GLIS3: variants seen among roughly 807,000 people sequenced by gnomAD.
GLIS3 encodes the protein zinc finger protein GLIS3.
In GLIS3, 53 loss-of-function variants were observed where a neutral mutation model predicts 78.6. The ratio of observed to expected loss-of-function variants is 0.67; its 90% confidence interval spans 0.54 to 0.85. The LOEUF is 0.85. Ranked by LOEUF, GLIS3 falls within the 40% of genes least tolerant of loss-of-function variation. The pLI, the probability that GLIS3 is intolerant of heterozygous loss-of-function variation, is 0.00. For synonymous variants in GLIS3, 684 were observed against 509.9 expected (o/e 1.34, Z -4.60); for missense variants, 1,703 against 1,231.1 (o/e 1.38, Z -5.74).
At chr9:4,439,976 C>T in the GLIS3 span, among the ~76,000 whole-genome samples, 14 of 152,312 alleles carry the variant, frequency 9.2e-5, no homozygotes, top group African/African-American at 3.4e-4. Flanking sequence ...AGCCACCGTG[C>T]CCAGCCTACA....
At chr9:4,458,816 G>A in the GLIS3 span, among the ~76,000 whole-genome samples, 1 of 152,092 alleles carries the variant, frequency 6.6e-6, no homozygotes, top group South Asian at 2.1e-4. Flanking sequence ...AAGTGAAAAT[G>A]TCTGGGAGGA....
chr9:4,193,852 G>C (rs1818554211), intron 2 of GLIS3, among the ~76,000 whole-genome samples: 1 of 152,154 alleles, frequency 6.6e-6, no homozygotes, highest in South Asian at 2.1e-4. Flanking sequence ...AAATCAATAA[G>C]TCACTTTTCA....
chr9:4,420,536 G>A, the GLIS3 span, among the ~76,000 whole-genome samples: 2 of 152,184 alleles, frequency 1.3e-5, no homozygotes, highest in African/African-American at 2.4e-5. Context: ...GGGTAAGGCA[G>A]GTGGGGAATA....
intron 2 of GLIS3, among the ~76,000 whole-genome samples, chr9:4,231,628 T>C (rs1354354575): frequency 6.6e-6 from 1 of 152,186 alleles, no homozygotes; most frequent in Non-Finnish European, 1.5e-5. Flanking sequence ...ATTAGATGCT[T>C]AGGAAACGTC....
At chr9:4,072,319 T>C (rs1827682563) in intron 4 of GLIS3, among the ~76,000 whole-genome samples, 2 of 152,150 alleles carry the variant, frequency 1.3e-5, no homozygotes, top group African/African-American at 4.8e-5. Flanking sequence ...TCACAATCAG[T>C]GCAGTTTGAA....
At chr9:4,306,529 T>G (rs965961456) in intron 4 of GLIS3, among the ~76,000 whole-genome samples, 2 of 152,202 alleles carry the variant, frequency 1.3e-5, no homozygotes, top group Non-Finnish European at 2.9e-5. Flanking sequence ...TAACAAATGT[T>G]GCCCCAGAAT....
intron 4 of GLIS3, among the ~76,000 whole-genome samples, chr9:4,035,377 C>T (rs1824212864): frequency 6.6e-6 from 1 of 151,678 alleles, no homozygotes; most frequent in African/African-American, 2.4e-5. Context: ...CCAGAAGGTC[C>T]AACTGGATCC....
intron 6 of GLIS3, among the ~76,000 whole-genome samples, chr9:3,905,286 C>T (rs969698339): frequency 4.0e-5 from 6 of 151,830 alleles, no homozygotes; most frequent in African/African-American, 1.2e-4. Context: ...CACTGAGCCC[C>T]GCCTGACTCT....
intron 2 of GLIS3, among the ~76,000 whole-genome samples, chr9:4,237,213 C>G (rs1822847965): frequency 6.6e-6 from 1 of 151,826 alleles, no homozygotes; most frequent in Admixed American, 6.6e-5. Context: ...CAGAAAATAT[C>G]CTTCAAAATA....
intron 4 of GLIS3, chr9:4,054,563 A>T: frequency 1.2e-6 from 1 of 853,608 alleles, no homozygotes; most frequent in Non-Finnish European, 1.4e-6. Flanking sequence ...AGCAGGTCAC[A>T]AGTCACACCA....
chr9:4,258,773 A>G (rs916824340), intron 2 of GLIS3, among the ~76,000 whole-genome samples: 3 of 152,194 alleles, frequency 2.0e-5, no homozygotes, highest in Non-Finnish European at 4.4e-5. Flanking sequence ...CAATGTAAAT[A>G]TATTTAATAC....
chr9:4,388,165 A>C, the GLIS3 span, among the ~76,000 whole-genome samples: 7,760 of 152,266 alleles, frequency 0.051, 568 homozygotes, highest in African/African-American at 0.17. Context: ...ACCCCTTCAC[A>C]AATAAAAGTA....
the GLIS3 span, among the ~76,000 whole-genome samples, chr9:4,379,319 G>C: frequency 3.7e-4 from 57 of 152,160 alleles, 1 homozygote; most frequent in African/African-American, 1.3e-3. Context: ...AGGTTAATAG[G>C]GGTTTGGCAA....
intron 6 of GLIS3, among the ~76,000 whole-genome samples, chr9:3,930,381 G>T (rs1410130375): frequency 7.2e-5 from 11 of 152,172 alleles, no homozygotes; most frequent in Admixed American, 5.9e-4. Context: ...ACTGCTCCTT[G>T]AAAGTATACT....
the GLIS3 span, among the ~76,000 whole-genome samples, chr9:4,434,687 C>T: frequency 1.7e-4 from 26 of 152,296 alleles, no homozygotes; most frequent in Admixed American, 1.5e-3. Flanking sequence ...AGATGTAAGC[C>T]AGTTCTTCTT....
intron 4 of GLIS3, among the ~76,000 whole-genome samples, chr9:4,051,533 A>C (rs189133721): frequency 1.3e-5 from 2 of 152,332 alleles, no homozygotes; most frequent in African/African-American, 4.8e-5. Context: ...AACTGAAAGA[A>C]AAAACAAAAA....
chr9:3,947,675 G>C (rs544015210), intron 4 of GLIS3, among the ~76,000 whole-genome samples: 1 of 152,220 alleles, frequency 6.6e-6, no homozygotes, highest in Non-Finnish European at 1.5e-5. Flanking sequence ...TCCAAAAAAC[G>C]GAGTGCAAGA....
chr9:4,054,717 G>A (rs1315853277), intron 4 of GLIS3, among the ~76,000 whole-genome samples: 2 of 152,144 alleles, frequency 1.3e-5, no homozygotes, highest in Non-Finnish European at 2.9e-5. Context: ...GGTCAAACTA[G>A]AACATTTTGA....
At chr9:4,275,427 C>G (rs1165351569) in intron 2 of GLIS3, among the ~76,000 whole-genome samples, 1 of 151,982 alleles carries the variant, frequency 6.6e-6, no homozygotes, top group East Asian at 1.9e-4. Flanking sequence ...GATCTAAGAC[C>G]GTGGGGTCCT....
Sources: allele counts gnomAD v4.1 joint callset (sites outside exome capture counted in the v4.1 genomes callset), GRCh38; gene constraint gnomAD v4.1.1; transcripts MANE v1.5; gene names NCBI Gene and HGNC (gene_info 2026-07-23, HGNC 2026-07-21).